The following CADPS variants were observed in gnomAD, a reference collection of about 807,000 sequenced individuals.
The protein encoded by CADPS is calcium dependent secretion activator.
CADPS carries 57 observed loss-of-function variants against 167.3 expected under a neutral mutation model. That is an observed-to-expected ratio of 0.34 (90% CI 0.28 to 0.42). The LOEUF (loss-of-function observed/expected upper bound fraction) is 0.42. Among genes scored for constraint, CADPS ranks in the 20% least tolerant of loss-of-function variants. The pLI, the probability that CADPS is intolerant of heterozygous loss-of-function variation, is 1.00. For synonymous variants in CADPS, 676 were observed against 635.3 expected, an observed-to-expected ratio of 1.06 and a Z score of -0.96; for missense variants, 1,414 against 1,738.1, an observed-to-expected ratio of 0.81 and a Z score of 3.32.
intron 6 of CADPS, among the ~76,000 whole-genome samples, chr3:62,614,850 A>G (rs1349093277): frequency 6.6e-6 from 1 of 152,210 alleles, no homozygotes; most frequent in Non-Finnish European, 1.5e-5. Context: ...GTGATCTTGG[A>G]TAAGTACCCT....
chr3:62,467,027 G>A (rs532466400), intron 24 of CADPS, among the ~76,000 whole-genome samples: 2 of 152,240 alleles, frequency 1.3e-5, no homozygotes, highest in African/African-American at 4.8e-5. Context: ...CAGTATGAGA[G>A]CCTACACTGA....
chr3:62,657,706 C>T lies in CADPS; in HGVS notation c.969+4608G>A, dbSNP rs377474350. 8.5e-5 allele frequency among the ~76,000 whole-genome samples: 13 copies of T among 152,188 alleles called. 1 individual carries two copies. In the South Asian group the frequency reaches 1.0e-3, roughly 12 times the overall value. On this transcript the variant is annotated intron_variant, in intron 4 of 29. Coordinates refer to ENST00000383710, the MANE Select transcript of CADPS (RefSeq NM_003716.4). ...TCTCTGTCTGATGTTCTTGTGCAGC[C>T]GTCTCTGTCTGATGATTCGTGAGAT... is the stretch of plus-strand genomic sequence containing the variant.
chr3:62,578,653 T>A (rs1490882654), intron 8 of CADPS, among the ~76,000 whole-genome samples: 1 of 150,234 alleles, frequency 6.7e-6, no homozygotes, highest in Non-Finnish European at 1.5e-5. Flanking sequence ...CTTAAATGCT[T>A]CTGCATCTAA....
At chr3:62,572,331 T>C (rs2081440871) in intron 8 of CADPS, among the ~76,000 whole-genome samples, 1 of 152,158 alleles carries the variant, frequency 6.6e-6, no homozygotes, top group South Asian at 2.1e-4. Flanking sequence ...CACGGCTCTG[T>C]CTTCCCTCTT....
At chr3:62,529,729 A>G (rs1013815925) in intron 13 of CADPS, among the ~76,000 whole-genome samples, 17 of 152,194 alleles carry the variant, frequency 1.1e-4, no homozygotes, top group African/African-American at 4.1e-4. Flanking sequence ...TTGCATTTTC[A>G]TTTGGCCTGT....
At chr3:62,428,120 G>T (rs1031982467) in intron 28 of CADPS, among the ~76,000 whole-genome samples, 1 of 152,114 alleles carries the variant, frequency 6.6e-6, no homozygotes, top group African/African-American at 2.4e-5. Flanking sequence ...CAAATCACTA[G>T]ACTCTATTAA....
chr3:62,509,046 T>C (rs141495065), intron 17 of CADPS, among the ~76,000 whole-genome samples: 2 of 152,014 alleles, frequency 1.3e-5, no homozygotes, highest in East Asian at 3.9e-4. Flanking sequence ...CTCATGCCTG[T>C]AATCTCAGCA....
intron 28 of CADPS, among the ~76,000 whole-genome samples, chr3:62,426,160 T>G (rs1336403377): frequency 6.6e-6 from 1 of 152,202 alleles, no homozygotes; most frequent in African/African-American, 2.4e-5. Flanking sequence ...TTTTTATTTA[T>G]TTATTTTTTT....
rs117584660 is a variant in CADPS, at chr3:62,693,995, G to T, written c.889-31601C>A. ...ATATCACAAGATAGGAGGACAAAGT[G>T]ACATGTTCTGTTGATGTCAATAAGC... On this transcript the variant is annotated intron_variant, in intron 3 of 29. Transcript: ENST00000383710. 2.2e-3 allele frequency among the ~76,000 whole-genome samples: 332 copies of T among 152,132 alleles called. 4 individuals carry two copies. In the East Asian group the frequency reaches 0.024, roughly 11 times the overall value.
At chr3:62,776,649 A>C (rs956086741) in intron 1 of CADPS, among the ~76,000 whole-genome samples, 6 of 152,158 alleles carry the variant, frequency 3.9e-5, no homozygotes, top group Admixed American at 1.3e-4. Context: ...GAGAGACTCC[A>C]TCTCAAAACA....
intron 1 of CADPS, among the ~76,000 whole-genome samples, chr3:62,867,816 T>C (rs188947470): frequency 6.6e-6 from 1 of 152,202 alleles, no homozygotes; most frequent in East Asian, 1.9e-4. Context: ...AGCTTTACTA[T>C]ATTATCTCAA....
intron 1 of CADPS, among the ~76,000 whole-genome samples, chr3:62,815,246 G>A (rs1357915425): frequency 6.6e-6 from 1 of 151,828 alleles, no homozygotes; most frequent in African/African-American, 2.4e-5. Flanking sequence ...AATATTGTGT[G>A]ATAGTCAATG....
At chr3:62,565,686 C>T (rs2080026412) in intron 9 of CADPS, among the ~76,000 whole-genome samples, 1 of 152,202 alleles carries the variant, frequency 6.6e-6, no homozygotes, top group Non-Finnish European at 1.5e-5. Flanking sequence ...ATTCCCTTCA[C>T]AGTTGGTAGG....
At chr3:62,402,835 T>TATGGCAAAA (rs1277039783) in intron 29 of CADPS, among the ~76,000 whole-genome samples, 2 of 152,262 alleles carry the variant, frequency 1.3e-5, no homozygotes, top group African/African-American at 4.8e-5. Context: ...CGTATTTTTG[T>TATGGCAAAA]ATGGCAAAAC....
chr3:62,489,676 A>G (rs7641287), intron 21 of CADPS, among the ~76,000 whole-genome samples: 31,243 of 152,160 alleles, frequency 0.21, 3,980 homozygotes, highest in African/African-American at 0.35. Flanking sequence ...GATACCAATT[A>G]TTCTCTTCCA....
At chr3:62,595,469 C>T (rs2058776714) in intron 6 of CADPS, among the ~76,000 whole-genome samples, 1 of 152,104 alleles carries the variant, frequency 6.6e-6, no homozygotes, top group Admixed American at 6.6e-5. Flanking sequence ...ATTAATGTCC[C>T]TGTCAATTTC....
At chr3:62,522,393 C>G (rs928201366) in intron 13 of CADPS, among the ~76,000 whole-genome samples, 2 of 152,226 alleles carry the variant, frequency 1.3e-5, no homozygotes, top group Non-Finnish European at 2.9e-5. Context: ...CCCACCTCAG[C>G]CTTGCAAAAT....
intron 17 of CADPS, among the ~76,000 whole-genome samples, chr3:62,509,264 A>G (rs2067258715): frequency 1.4e-5 from 2 of 145,722 alleles, no homozygotes; most frequent in Non-Finnish European, 3.0e-5. Flanking sequence ...GGATCCTATC[A>G]CTGTACTCTA....
intron 1 of CADPS, 93 bp from the exon 2 acceptor site, chr3:62,766,077 A>G: frequency 1.2e-6 from 1 of 852,070 alleles, no homozygotes; most frequent in Non-Finnish European, 1.9e-6. Flanking sequence ...CCATTGGTGT[A>G]TTGGAGCTGG....
Sources: allele counts gnomAD v4.1 joint callset (sites outside exome capture counted in the v4.1 genomes callset), GRCh38; gene constraint gnomAD v4.1.1; transcripts MANE v1.5; gene names NCBI Gene and HGNC (gene_info 2026-07-23, HGNC 2026-07-21).